AFF1: variants seen among roughly 807,000 people sequenced by gnomAD.
AFF1 encodes AF4/FMR2 family member 1.
Under a neutral mutation model 121.7 loss-of-function variants are expected in AFF1, and 48 were observed. The observed-to-expected ratio is 0.39, with a 90% CI of 0.31 to 0.50. The LOEUF is 0.50. Ranked by LOEUF, AFF1 falls within the 20% of genes least tolerant of loss-of-function variation. AFF1 has a pLI of 0.76. For missense variants in AFF1, 1,523 were observed against 1,511.7 expected (o/e 1.01, Z -0.12); for synonymous variants, 613 against 563.0 (o/e 1.09, Z -1.26).
intron 2 of AFF1, among the ~76,000 whole-genome samples, chr4:87,041,676 A>G (rs1218960922): frequency 6.6e-6 from 1 of 152,192 alleles, no homozygotes; most frequent in Non-Finnish European, 1.5e-5. Context: ...GAAAAAAAAA[A>G]AGACACCTTT....
rs10676975 is a variant in AFF1 at position 86,978,177 on chromosome 4, CTTTTTTTTT to C, written c.38+29622_38+29630del. On this transcript the variant is annotated intron_variant, in intron 2 of 20. Coordinates refer to ENST00000395146, the MANE Select transcript of AFF1 (RefSeq NM_001166693.3). ...CTTCTCTTACTTCTCATTACATTCACTTTTTTTTTTTTTTTTTTTTTTTTGAGATGGAGT... is the reference window on the plus strand; with the variant it reads ...CTTCTCTTACTTCTCATTACATTCACTTTTTTTTTTTTTTTGAGATGGAGT... Among the ~76,000 whole-genome samples the C allele has an allele frequency of 4.3e-3, 171 of 39,342 alleles. 6 individuals carry two copies. In the Middle Eastern group the frequency reaches 0.12, roughly 29 times the overall value. The allele number at this position is 39,342 out of a possible 152,430, so 25.8% of individuals were successfully genotyped here.
chr4:87,060,651 C>G (rs368837295), intron 4 of AFF1, among the ~76,000 whole-genome samples: 2 of 151,876 alleles, frequency 1.3e-5, no homozygotes, highest in Non-Finnish European at 2.9e-5. Flanking sequence ...CCAGCCTAAC[C>G]AACAAGGTGA....
chr4:87,047,494 T>C lies in AFF1; in HGVS notation c.959T>C (p.Leu320Pro), dbSNP rs960395896. The change falls in exon 4 of 21, where the codon CTG becomes CCG. Residue 320 changes from leucine to proline, a missense_variant. Transcript: ENST00000395146. ...APSESPELKP[L>P]PEDYRQQTFE... The stretch of plus-strand genomic sequence containing the variant: ...AGTGAATCCCCTGAACTGAAACCAC[T>C]GCCGGAGGACTATCGACAGCAGACC... The C allele has an allele frequency of 5.0e-6, 8 of 1,614,194 alleles. No homozygotes were observed. The highest frequency in any genetic ancestry group is 5.9e-6 in the Non-Finnish European group (7 of 1,180,040).
intron 2 of AFF1, among the ~76,000 whole-genome samples, chr4:86,976,708 A>C (rs1723329639): frequency 6.6e-6 from 1 of 152,328 alleles, no homozygotes. Flanking sequence ...CTCCCACAAC[A>C]TGCAATTTAC....
intron 4 of AFF1, among the ~76,000 whole-genome samples, chr4:87,060,866 A>AACAC (rs1560586060): frequency 4.1e-5 from 2 of 48,520 alleles, no homozygotes; most frequent in Non-Finnish European, 7.8e-5. Flanking sequence ...AAAAAAAAAA[A>AACAC]ACACAAAAAA....
In AFF1 at chr4:87,046,172, C is replaced by T; in HGVS notation, c.45C>T (p.Tyr15=). The part of the protein sequence containing the change: ...ERVNSSGNSL[Y]NDDRNLLRIR... ...TTTGTGGCATCTGAAACAGTTTGTA[C>T]AATGACGACAGAAACCTGCTTCGAA... is the stretch of plus-strand genomic sequence containing the variant. Residue 15 remains tyrosine (Y), a synonymous_variant, in exon 3 of 21, where the codon TAC becomes TAT. Transcript: ENST00000395146. 2 of 1,612,622 alleles carry T rather than the reference C, an allele frequency of 1.2e-6. No homozygotes were observed. Among genetic ancestry groups the T allele is most frequent in the Non-Finnish European group, 1.7e-6 (2 of 1,179,632 alleles).
chr4:86,990,124 AT>A (rs1473366157), intron 2 of AFF1, among the ~76,000 whole-genome samples: 5 of 151,878 alleles, frequency 3.3e-5, no homozygotes, highest in Non-Finnish European at 7.4e-5. Context: ...ATGTATACCT[AT>A]GTAACCTGCA....
chr4:87,028,275 A>G (rs1393450034), intron 2 of AFF1, among the ~76,000 whole-genome samples: 1 of 151,924 alleles, frequency 6.6e-6, no homozygotes, highest in Non-Finnish European at 1.5e-5. Context: ...AATAGCTTGT[A>G]TATCATTAAA....
intron 2 of AFF1, among the ~76,000 whole-genome samples, chr4:86,965,052 A>G (rs1722438487): frequency 1.3e-5 from 2 of 152,162 alleles, no homozygotes; most frequent in African/African-American, 2.4e-5. Context: ...GGTGGTTATA[A>G]TGGGTATTTA....
chr4:86,997,843 T>C (rs1201980056), intron 2 of AFF1, among the ~76,000 whole-genome samples: 2 of 151,418 alleles, frequency 1.3e-5, no homozygotes, highest in East Asian at 3.9e-4. Flanking sequence ...GCATGGTGGC[T>C]CACGCCTGTA....
chr4:86,991,834 C>CTT (rs34804329), intron 2 of AFF1, among the ~76,000 whole-genome samples: 1,937 of 113,640 alleles, frequency 0.017, 32 homozygotes, highest in Middle Eastern at 0.038. Context: ...CTTCAAATTG[C>CTT]TTTTTTTTTT....
At chr4:86,984,643 AAAAG>A (rs1316527341) in intron 2 of AFF1, among the ~76,000 whole-genome samples, 3 of 152,160 alleles carry the variant, frequency 2.0e-5, no homozygotes, top group Non-Finnish European at 2.9e-5. Context: ...TTAAGGATGA[AAAAG>A]AAAGAAAGCT....
chr4:87,135,876 A>G lies in AFF1; in HGVS notation c.*175A>G, dbSNP rs1376745958. On this transcript the variant is annotated 3_prime_UTR_variant, in exon 21 of 21. Transcript: ENST00000395146. ...ACAACAGTGTGATCATTGGTTGGAC[A>G]CTGTGGTTATGCAGAAGCAGAGATG... 1 of 1,044,784 alleles carries G rather than the reference A, an allele frequency of 9.6e-7. No individual in the cohort carries two copies. Among genetic ancestry groups the G allele is most frequent in the Non-Finnish European group, 1.3e-6 (1 of 774,110 alleles). 64.7% of individuals were successfully genotyped at this position (1,044,784 alleles called of 1,614,324 possible). A position where few individuals can be genotyped will look rare whatever the true frequency, so the allele number is the denominator to read the frequency against.
At chr4:87,113,643 A>G (rs1726787053) in intron 11 of AFF1, among the ~76,000 whole-genome samples, 1 of 152,202 alleles carries the variant, frequency 6.6e-6, no homozygotes, top group African/African-American at 2.4e-5. Flanking sequence ...ATCAAGGTAT[A>G]AAAATTGCAA....
chr4:87,040,513 C>A (rs572201584), intron 2 of AFF1, among the ~76,000 whole-genome samples: 1 of 151,722 alleles, frequency 6.6e-6, no homozygotes, highest in African/African-American at 2.4e-5. Context: ...TCTTGCCAGG[C>A]ATTGGTGAAT....
chr4:87,006,739 T>G (rs1262076386), intron 2 of AFF1, among the ~76,000 whole-genome samples: 2 of 152,192 alleles, frequency 1.3e-5, no homozygotes, highest in Non-Finnish European at 2.9e-5. Flanking sequence ...CAGCGGTGGG[T>G]GTCTGTACGT....
chr4:87,077,178 A>G (rs1560602895), intron 4 of AFF1, among the ~76,000 whole-genome samples: 1 of 152,188 alleles, frequency 6.6e-6, no homozygotes, highest in Non-Finnish European at 1.5e-5. Context: ...ATAACTTTCT[A>G]GTCTAGTTTG....
chr4:87,039,214 G>A (rs562132126), intron 2 of AFF1, among the ~76,000 whole-genome samples: 1 of 152,270 alleles, frequency 6.6e-6, no homozygotes, highest in South Asian at 2.1e-4. Flanking sequence ...AAGAGAAAAA[G>A]GAATCACTCT....
rs116321582 is a variant in AFF1, at chr4:87,001,903, T to C, written c.39-44263T>C. On this transcript the variant is annotated intron_variant, in intron 2 of 20. Coordinates refer to ENST00000395146, the MANE Select transcript of AFF1 (RefSeq NM_001166693.3). ...AGCACCCTTCTCTTGGCAAAGTGAT[T>C]TTAGCAGTGTCCTGGTTAAACATCA... Among the ~76,000 whole-genome samples the C allele has an allele frequency of 4.6e-3, 705 of 152,306 alleles. 8 individuals are homozygous for C. Among genetic ancestry groups the C allele is most frequent in the African/African-American group, 0.016 (675 of 41,554 alleles).
Sources: allele counts gnomAD v4.1 joint callset (sites outside exome capture counted in the v4.1 genomes callset), GRCh38; gene constraint gnomAD v4.1.1; transcripts MANE v1.5; gene names NCBI Gene and HGNC (gene_info 2026-07-23, HGNC 2026-07-21).